SCAMP5: variants seen among roughly 807,000 people sequenced by gnomAD.
SCAMP5 encodes the protein secretory carrier membrane protein 5.
Under a neutral mutation model 28.3 loss-of-function variants are expected in SCAMP5, and 7 were observed. That is an observed-to-expected ratio of 0.25 (90% CI 0.14 to 0.46). The LOEUF (loss-of-function observed/expected upper bound fraction) is 0.46, where lower values mean the gene tolerates loss of function less well. SCAMP5 is among the 20% of genes least tolerant of loss of function. The probability of loss-of-function intolerance (pLI) is 0.99; values close to 1 mark genes in which losing one functional copy is unlikely to be tolerated. For synonymous variants in SCAMP5, 117 were observed against 116.4 expected (o/e 1.00, Z -0.03); for missense variants, 192 against 312.5 (o/e 0.61, Z 2.91).
rs1470673294 is a variant in SCAMP5, at chr15:75,019,973, C to T, written c.*990C>T. 1 of 153,630 alleles carries T rather than the reference C, an allele frequency of 6.5e-6. No homozygotes were observed. Among genetic ancestry groups the T allele is most frequent in the African/African-American group, 2.4e-5 (1 of 41,492 alleles). 9.5% of individuals were successfully genotyped at this position (153,630 alleles called of 1,614,324 possible). A position where few individuals can be genotyped will look rare whatever the true frequency, so the allele number is the denominator to read the frequency against. On this transcript the variant is annotated 3_prime_UTR_variant, in exon 7 of 7. Coordinates refer to ENST00000425597, the MANE Select transcript of SCAMP5 (RefSeq NM_138967.4). ...CTGCCTATGTCCCTCTGCCTCCTCC[C>T]CATGCCCCCAGTTGCTGTGGCTTGA...
intron 1 of SCAMP5, among the ~76,000 whole-genome samples, chr15:75,006,360 A>T (rs1287262873): frequency 6.6e-6 from 1 of 152,130 alleles, no homozygotes; most frequent in Non-Finnish European, 1.5e-5. Flanking sequence ...ATAATAAAAA[A>T]AATCTATGTG....
intron 4 of SCAMP5, 80 bp downstream of exon 4, chr15:75,016,829 C>CT (rs371189916): frequency 0.022 from 21,061 of 979,046 alleles, 141 homozygotes; most frequent in African/African-American, 0.066. Flanking sequence ...TTTCTCACTT[C>CT]TTTTTTTTTT....
At chr15:75,011,767 T>A (rs2065813563) in intron 1 of SCAMP5, 25 bp from the exon 2 acceptor site, 4 of 1,428,616 alleles carry the variant, frequency 2.8e-6, no homozygotes, top group South Asian at 2.3e-5. Flanking sequence ...GATCTCATCC[T>A]TCTCTGGCTT....
rs77176889 is a variant in SCAMP5 at position 75,015,561 on chromosome 15, G to C, written c.137-1032G>C. Reference sequence around the variant, plus strand: ...AGCCCAGGTCTGTAGAAGGTCAGAGGGATGGGAGATGATGAGGTTGCAGTA... The same window carrying C: ...AGCCCAGGTCTGTAGAAGGTCAGAGCGATGGGAGATGATGAGGTTGCAGTA... On this transcript the variant is annotated intron_variant, in intron 3 of 6. Coordinates refer to ENST00000425597, the MANE Select transcript of SCAMP5 (RefSeq NM_138967.4). Among the ~76,000 whole-genome samples, 914 of 152,206 alleles carry C rather than the reference G, an allele frequency of 6.0e-3. 15 individuals carry two copies. The highest frequency in any genetic ancestry group is 0.027 in the South Asian group (129 of 4,828).
chr15:75,008,830 T>C (rs1266430749), intron 1 of SCAMP5, among the ~76,000 whole-genome samples: 1 of 152,174 alleles, frequency 6.6e-6, no homozygotes, highest in East Asian at 1.9e-4. Context: ...AATACTCTAT[T>C]GTATGATGCA....
intron 1 of SCAMP5, among the ~76,000 whole-genome samples, chr15:75,001,385 C>T (rs2065706716): frequency 6.6e-6 from 1 of 152,034 alleles, no homozygotes; most frequent in Non-Finnish European, 1.5e-5. Flanking sequence ...AGTCTGCTCT[C>T]CCAGAGTGCT....
rs1373358561 is a variant in SCAMP5 at position 75,018,699 on chromosome 15, G to GC, written c.514-90_514-89insC. 7 of 910,622 alleles carry GC rather than the reference G, an allele frequency of 7.7e-6. No homozygotes were observed. The highest frequency in any genetic ancestry group is 2.4e-5 in the Admixed American group (1 of 40,932). The allele number at this position is 910,622 out of a possible 1,614,324, so 56.4% of individuals were successfully genotyped here. ...GAGGCATTCATGGGGAGGGAGCACT[G>GC]TTTTTTTTTTACAGATGGGTCCCAT... On this transcript the variant is annotated intron_variant, in intron 6 of 6. Coordinates refer to ENST00000425597, the MANE Select transcript of SCAMP5 (RefSeq NM_138967.4). The surrounding 1 kb of genome is among the most constrained non-coding windows in gnomAD (Gnocchi z 5.6).
chr15:75,015,820 G>A (rs1441321792), intron 3 of SCAMP5, among the ~76,000 whole-genome samples: 1 of 151,734 alleles, frequency 6.6e-6, no homozygotes, highest in East Asian at 1.9e-4. Context: ...CAGCTACTCA[G>A]GAGGCTGAAG....
intron 4 of SCAMP5, 75 bp downstream of exon 4, chr15:75,016,824 CACT>C: frequency 1.6e-6 from 2 of 1,239,626 alleles, no homozygotes; most frequent in Non-Finnish European, 2.2e-6. Context: ...TATCTTTTCT[CACT>C]TCTTTTTTTT....
intron 1 of SCAMP5, among the ~76,000 whole-genome samples, chr15:74,999,267 G>A (rs1184491014): frequency 3.9e-5 from 6 of 152,040 alleles, no homozygotes; most frequent in Non-Finnish European, 7.4e-5. Flanking sequence ...TGCCTCTTCC[G>A]TGTTCTTTCT....
chr15:75,000,137 A>C (rs1227935388), intron 1 of SCAMP5, among the ~76,000 whole-genome samples: 1 of 152,124 alleles, frequency 6.6e-6, no homozygotes, highest in Non-Finnish European at 1.5e-5. Flanking sequence ...TACTTTATGC[A>C]CTTAGATTTT....
intron 1 of SCAMP5, among the ~76,000 whole-genome samples, chr15:75,004,285 T>G (rs932106885): frequency 1.3e-5 from 2 of 152,210 alleles, no homozygotes; most frequent in African/African-American, 4.8e-5. Flanking sequence ...TCATCTTGCC[T>G]TAGCTCCTCA....
chr15:75,000,683 CTTTT>C (rs58106804), intron 1 of SCAMP5, among the ~76,000 whole-genome samples: 2 of 120,282 alleles, frequency 1.7e-5, no homozygotes, highest in Non-Finnish European at 3.4e-5. Context: ...CGCACCCAGC[CTTTT>C]TTTTTTTTTT....
intron 1 of SCAMP5, among the ~76,000 whole-genome samples, chr15:75,001,253 C>T (rs898871375): frequency 4.0e-5 from 5 of 126,006 alleles, no homozygotes; most frequent in Admixed American, 9.6e-5. Context: ...CCAGCCTGGG[C>T]GACACAGCGA....
chr15:75,005,391 C>A (rs1026523898), intron 1 of SCAMP5, among the ~76,000 whole-genome samples: 1 of 150,432 alleles, frequency 6.6e-6, no homozygotes, highest in Non-Finnish European at 1.5e-5. Context: ...ACTTGGGAGG[C>A]GGAGGTTGCG....
At chr15:75,017,271 T>C (rs1369183435) in intron 4 of SCAMP5, among the ~76,000 whole-genome samples, 2 of 152,120 alleles carry the variant, frequency 1.3e-5, no homozygotes, top group Non-Finnish European at 2.9e-5. Flanking sequence ...CCAGTGGGTG[T>C]CTACCTAGTG....
At chr15:75,005,484 C>T (rs2065748476) in intron 1 of SCAMP5, among the ~76,000 whole-genome samples, 2 of 152,012 alleles carry the variant, frequency 1.3e-5, no homozygotes, top group South Asian at 2.1e-4. Flanking sequence ...AAAATTCTGC[C>T]AGGCTTCCCC....
chr15:75,012,393 G>A (rs1447327923), intron 2 of SCAMP5, among the ~76,000 whole-genome samples: 27 of 152,182 alleles, frequency 1.8e-4, no homozygotes, highest in Non-Finnish European at 2.9e-5. Flanking sequence ...CTGAGAGGGT[G>A]GTACCTTGAG....
At chr15:75,004,045 C>T (rs2065733399) in intron 1 of SCAMP5, among the ~76,000 whole-genome samples, 1 of 152,052 alleles carries the variant, frequency 6.6e-6, no homozygotes. Context: ...GCTGGGATTA[C>T]AGGCATGCAC....
Sources: allele counts gnomAD v4.1 joint callset (sites outside exome capture counted in the v4.1 genomes callset), GRCh38; gene constraint gnomAD v4.1.1; non-coding constraint Gnocchi (gnomAD v3.1); transcripts MANE v1.5; gene names NCBI Gene and HGNC (gene_info 2026-07-23, HGNC 2026-07-21).